Variants in PDE4DIP observed in about 807,000 individuals in gnomAD.
The protein encoded by PDE4DIP is phosphodiesterase 4D interacting protein, also known as myomegalin.
In PDE4DIP, 59 loss-of-function variants were observed where a neutral mutation model predicts 221.4. That is an observed-to-expected ratio of 0.27 (90% CI 0.22 to 0.33). The LOEUF is 0.33. Among genes scored for constraint, PDE4DIP ranks in the 10% least tolerant of loss-of-function variants. The pLI is 1.00. For missense variants in PDE4DIP, 1,036 were observed against 2,154.2 expected (o/e 0.48, Z 10.28); for synonymous variants, 404 against 815.9 (o/e 0.50, Z 8.60).
intron 5 of PDE4DIP, chr1:148,953,935 T>G (rs782756280): frequency 6.4e-7 from 1 of 1,551,284 alleles, no homozygotes; most frequent in Non-Finnish European, 8.8e-7. Flanking sequence ...AGTGCCTTTC[T>G]GATTATAGCT....
At chr1:149,024,396 A>G (rs1553624243) in intron 37 of PDE4DIP, 49 bp from the exon 41 acceptor site, 30 of 1,523,298 alleles carry the variant, frequency 2.0e-5, no homozygotes, top group Middle Eastern at 2.1e-4. Flanking sequence ...GGTTCTGACA[A>G]GTGCTTGGAA....
At chr1:149,002,499 G>A (rs1314903013) in intron 24 of PDE4DIP, among the ~76,000 whole-genome samples, 1 of 151,942 alleles carries the variant, frequency 6.6e-6, no homozygotes. Context: ...TTTAGGGAAG[G>A]AGCCATGCTG....
At chr1:148,992,758 AG>A (rs1161822259) in intron 22 of PDE4DIP, 1 of 846,212 alleles carries the variant, frequency 1.2e-6, no homozygotes, top group Non-Finnish European at 1.5e-6. Context: ...ATGATTCTTA[AG>A]GAGAAAGTGA....
chr1:148,978,212 G>C, intron 18 of PDE4DIP, 66 bp from the exon 22 acceptor site: 1 of 1,400,604 alleles, frequency 7.1e-7, no homozygotes. Flanking sequence ...ATTTGTTCCC[G>C]TGCTACTCTG....
chr1:149,017,034 A>G (rs2070841700), intron 33 of PDE4DIP, among the ~76,000 whole-genome samples: 1 of 151,996 alleles, frequency 6.6e-6, no homozygotes, highest in South Asian at 2.1e-4. Context: ...CAACAGTAAG[A>G]CAATCGTAAT....
rs1426650114 is a variant in PDE4DIP at position 148,922,691 on chromosome 1, C to A, written c.142-6506C>A. Reference sequence around the variant, plus strand: ...CAAGCTCCGACTCCTGGGTTCACACCGTTCTCCTGCCTCAGCCTCCGGAGT... The same window carrying A: ...CAAGCTCCGACTCCTGGGTTCACACAGTTCTCCTGCCTCAGCCTCCGGAGT... On this transcript the variant is annotated intron_variant, in intron 1 of 43. Transcript: ENST00000369354. 6.0e-5 allele frequency among the ~76,000 whole-genome samples: 9 copies of A among 149,064 alleles called. 1 individual carries two copies. Among genetic ancestry groups the A allele is most frequent in the Non-Finnish European group, 1.3e-4 (9 of 67,322 alleles).
chr1:148,950,752 A>G (rs1436618841), intron 5 of PDE4DIP, among the ~76,000 whole-genome samples: 16 of 143,182 alleles, frequency 1.1e-4, no homozygotes, highest in Non-Finnish European at 1.7e-4. Context: ...TGCCCCCCCC[A>G]CCGCCCCAAA....
intron 17 of PDE4DIP, among the ~76,000 whole-genome samples, chr1:148,975,960 T>A (rs2060096206): frequency 6.6e-6 from 1 of 151,952 alleles, no homozygotes; most frequent in African/African-American, 2.4e-5. Flanking sequence ...AACAGACTCA[T>A]GTTTTATGAC....
intron 30 of PDE4DIP, among the ~76,000 whole-genome samples, chr1:149,010,049 G>A (rs587617434): frequency 2.6e-5 from 4 of 152,140 alleles, no homozygotes; most frequent in Admixed American, 6.5e-5. Context: ...AGAAGATCAC[G>A]GCAGACTCTT....
At chr1:148,960,843 T>A in intron 6 of PDE4DIP, 58 bp downstream of exon 9, 1 of 520,122 alleles carries the variant, frequency 1.9e-6, no homozygotes, top group Non-Finnish European at 3.5e-6. Context: ...TGTGACTGGC[T>A]CTAGCCTGAG....
intron 1 of PDE4DIP, among the ~76,000 whole-genome samples, chr1:148,922,699 T>C (rs2045712095): frequency 6.7e-6 from 1 of 149,362 alleles, no homozygotes; most frequent in Non-Finnish European, 1.5e-5. Flanking sequence ...ACCGTTCTCC[T>C]GCCTCAGCCT....
chr1:148,859,832 G>GTA (rs55734407), intron 1 of PDE4DIP, among the ~76,000 whole-genome samples: 2,653 of 110,856 alleles, frequency 0.024, 21 homozygotes, highest in South Asian at 0.048. Flanking sequence ...GTGTGTGTAT[G>GTA]TGTGTGTGTG....
At chr1:149,023,578 T>C (rs1323005452) in intron 37 of PDE4DIP, among the ~76,000 whole-genome samples, 2 of 146,798 alleles carry the variant, frequency 1.4e-5, no homozygotes, top group Non-Finnish European at 3.0e-5. Context: ...TATATATGTG[T>C]GTACATGTCA....
At chr1:149,013,855 T>G (rs1173916751) in intron 32 of PDE4DIP, among the ~76,000 whole-genome samples, 1 of 144,664 alleles carries the variant, frequency 6.9e-6, no homozygotes, top group African/African-American at 2.6e-5. Context: ...TGGCACGATC[T>G]CGGCTCACTG....
chr1:149,032,105 C>T, exon 44 of PDE4DIP: 1 of 1,591,710 alleles, frequency 6.3e-7, no homozygotes, highest in African/African-American at 1.3e-5. Context: ...ATCTGGGCCT[C>T]ATTCCTCCAA....
chr1:148,953,548 G>A lies in PDE4DIP; in HGVS notation c.637-7106G>A, dbSNP rs1321046096. On this transcript the variant is annotated intron_variant, in intron 5 of 43. Transcript: ENST00000369354. ...GCGTCCAGGCTAGCCCTCCACAACA[G>A]AAAGATGAGGAGACTGAGAGAAGTG... is the stretch of plus-strand genomic sequence containing the variant. 1.9e-6 allele frequency: 3 copies of A among 1,614,040 alleles called. No homozygotes were observed. The African/African-American group carries it at 4.0e-5, about 22-fold the overall frequency.
chr1:148,889,124 A>G (rs1405417120), upstream of PDE4DIP, among the ~76,000 whole-genome samples: 1 of 152,106 alleles, frequency 6.6e-6, no homozygotes, highest in African/African-American at 2.4e-5. Flanking sequence ...GCTCTTTAAG[A>G]TTTGCACTGG....
intron 37 of PDE4DIP, 135 bp downstream of exon 40, chr1:149,021,288 G>C (rs2072790585): frequency 1.4e-6 from 1 of 694,648 alleles, no homozygotes; most frequent in African/African-American, 1.8e-5. Flanking sequence ...CCGAGCCTGG[G>C]GCTCCCAGTA....
At chr1:148,962,244 A>C (rs782327627) in exon 8 of PDE4DIP, 16 of 1,318,410 alleles carry the variant, frequency 1.2e-5, no homozygotes, top group Non-Finnish European at 1.6e-5. Flanking sequence ...CACAATGGCA[A>C]AGCTTCGAGA....
Sources: allele counts gnomAD v4.1 joint callset (sites outside exome capture counted in the v4.1 genomes callset), GRCh38; gene constraint gnomAD v4.1.1; transcripts MANE v1.5; gene names NCBI Gene and HGNC (gene_info 2026-07-23, HGNC 2026-07-21).